The following SLC24A2 variants were observed in gnomAD, a reference collection of about 807,000 sequenced individuals.
SLC24A2 encodes the protein solute carrier family 24 member 2, also known as sodium/potassium/calcium exchanger 2.
SLC24A2 carries 36 observed loss-of-function variants against 62.0 expected under a neutral mutation model. The observed-to-expected ratio is 0.58, with a 90% CI of 0.44 to 0.77. SLC24A2 has a LOEUF of 0.77. Among genes scored for constraint, SLC24A2 ranks in the 30% least tolerant of loss-of-function variants. The probability of loss-of-function intolerance (pLI) is 0.00; values close to 1 mark genes in which losing one functional copy is unlikely to be tolerated. For synonymous variants in SLC24A2, 358 were observed against 294.0 expected, an observed-to-expected ratio of 1.22 and a Z score of -2.23; for missense variants, 846 against 817.9, an observed-to-expected ratio of 1.03 and a Z score of -0.42.
chr9:20,285,316 G>C, the SLC24A2 span, among the ~76,000 whole-genome samples: 2 of 152,344 alleles, frequency 1.3e-5, no homozygotes, highest in African/African-American at 4.8e-5. Flanking sequence ...TTTATTATAA[G>C]GAGTTGGCTT....
intron 8 of SLC24A2, among the ~76,000 whole-genome samples, chr9:19,534,722 T>C (rs1586908364): frequency 6.6e-6 from 1 of 152,190 alleles, no homozygotes; most frequent in African/African-American, 2.4e-5. Context: ...TACTCCATGG[T>C]GTATATGTGG....
chr9:19,850,825 T>A, the SLC24A2 span, among the ~76,000 whole-genome samples: 1 of 149,840 alleles, frequency 6.7e-6, no homozygotes, highest in East Asian at 1.9e-4. Flanking sequence ...AGTTTTCCAT[T>A]ATGTGGATAT....
At chr9:20,096,783 T>C in the SLC24A2 span, among the ~76,000 whole-genome samples, 2 of 152,236 alleles carry the variant, frequency 1.3e-5, no homozygotes, top group African/African-American at 2.4e-5. Context: ...AATCCTTTAG[T>C]TGGGAAATTC....
the SLC24A2 span, among the ~76,000 whole-genome samples, chr9:20,136,969 G>A: frequency 6.6e-6 from 1 of 152,140 alleles, no homozygotes; most frequent in South Asian, 2.1e-4. Flanking sequence ...AAAAGGGTGT[G>A]TTTACGCTAA....
chr9:19,627,008 G>C (rs1818051946), intron 2 of SLC24A2, among the ~76,000 whole-genome samples: 1 of 152,182 alleles, frequency 6.6e-6, no homozygotes, highest in African/African-American at 2.4e-5. Flanking sequence ...AACATTAAGG[G>C]AGGGGAGATT....
the SLC24A2 span, among the ~76,000 whole-genome samples, chr9:20,041,865 G>C: frequency 2.0e-5 from 3 of 152,252 alleles, no homozygotes; most frequent in Non-Finnish European, 4.4e-5. Context: ...CCAGAGTGGG[G>C]AGTTGGCAAT....
intron 2 of SLC24A2, among the ~76,000 whole-genome samples, chr9:19,704,795 A>G (rs1820461136): frequency 7.1e-6 from 1 of 140,586 alleles, no homozygotes; most frequent in Non-Finnish European, 1.5e-5. Context: ...TTTAAAAACC[A>G]AACTTTTTTT....
At chr9:19,571,712 C>A (rs1835842602) in intron 7 of SLC24A2, among the ~76,000 whole-genome samples, 1 of 152,178 alleles carries the variant, frequency 6.6e-6, no homozygotes, top group Non-Finnish European at 1.5e-5. Context: ...AGGTAAAATG[C>A]AAGTTTTAAA....
chr9:19,543,785 G>A (rs921555134), intron 8 of SLC24A2, among the ~76,000 whole-genome samples: 20 of 152,122 alleles, frequency 1.3e-4, no homozygotes, highest in South Asian at 4.1e-4. Context: ...TTGCACTATG[G>A]TCTGAGAGAC....
At chr9:19,530,791 ATTC>A (rs1833670832) in intron 8 of SLC24A2, among the ~76,000 whole-genome samples, 2 of 152,176 alleles carry the variant, frequency 1.3e-5, no homozygotes, top group Non-Finnish European at 2.9e-5. Flanking sequence ...GGCTAAAAAT[ATTC>A]TTTGTGAATT....
chr9:20,074,993 T>C, the SLC24A2 span, among the ~76,000 whole-genome samples: 1 of 152,180 alleles, frequency 6.6e-6, no homozygotes, highest in African/African-American at 2.4e-5. Context: ...GGTTTCTGCA[T>C]GTAAGAAATA....
At chr9:20,182,265 C>T in the SLC24A2 span, among the ~76,000 whole-genome samples, 1 of 152,178 alleles carries the variant, frequency 6.6e-6, no homozygotes, top group African/African-American at 2.4e-5. Context: ...TACCATTTGA[C>T]CCAGCCATCC....
At chr9:20,002,365 C>CTTTTTT in the SLC24A2 span, among the ~76,000 whole-genome samples, 1 of 130,254 alleles carries the variant, frequency 7.7e-6, no homozygotes, top group South Asian at 2.6e-4. Flanking sequence ...AGCTACAAAC[C>CTTTTTT]TTTTTTTTTT....
chr9:20,132,274 C>T, the SLC24A2 span, among the ~76,000 whole-genome samples: 3 of 151,808 alleles, frequency 2.0e-5, no homozygotes, highest in Admixed American at 6.6e-5. Context: ...CCATTGGAAC[C>T]GAGAATTAGA....
At chr9:20,280,433 C>T in the SLC24A2 span, among the ~76,000 whole-genome samples, 1 of 152,120 alleles carries the variant, frequency 6.6e-6, no homozygotes, top group African/African-American at 2.4e-5. Flanking sequence ...CTATTAGCAG[C>T]CAATACAGCC....
At chr9:20,197,427 C>T in the SLC24A2 span, among the ~76,000 whole-genome samples, 1 of 93,156 alleles carries the variant, frequency 1.1e-5, no homozygotes. Flanking sequence ...CTCTCTCTCT[C>T]TTTTTTTTTT....
chr9:19,753,754 G>A (rs994735656), intron 2 of SLC24A2, among the ~76,000 whole-genome samples: 12 of 152,136 alleles, frequency 7.9e-5, no homozygotes, highest in African/African-American at 2.4e-4. Context: ...ATGTACTAGT[G>A]AGAAAAGCAA....
At chr9:20,104,024 G>A in the SLC24A2 span, among the ~76,000 whole-genome samples, 1 of 152,160 alleles carries the variant, frequency 6.6e-6, no homozygotes. Flanking sequence ...GGAGCTGAAA[G>A]CCAAGGCTCA....
the SLC24A2 span, among the ~76,000 whole-genome samples, chr9:19,979,324 C>A: frequency 5.9e-5 from 9 of 152,098 alleles, no homozygotes; most frequent in African/African-American, 2.2e-4. Context: ...ATGCCAATGC[C>A]ACTCCTCCTC....
Sources: gnomAD v4.1 joint callset for allele counts (sites outside exome capture counted in the v4.1 genomes callset) on GRCh38, gnomAD v4.1.1 for gene constraint, MANE v1.5 for transcripts, NCBI Gene and HGNC (gene_info 2026-07-23, HGNC 2026-07-21) for gene names.